Variants in NTMT1 observed in about 807,000 individuals in gnomAD.
The protein encoded by NTMT1 is N-terminal Xaa-Pro-Lys N-methyltransferase 1, also known as N-terminal RCC1 methyltransferase.
Under a neutral mutation model 17.5 loss-of-function variants are expected in NTMT1, and 8 were observed. The ratio of observed to expected loss-of-function variants is 0.46; its 90% CI spans 0.27 to 0.82. The LOEUF is 0.82. Ranked by LOEUF, NTMT1 falls within the 40% of genes least tolerant of loss-of-function variation. NTMT1 has a pLI of 0.15. For missense variants in NTMT1, 221 were observed against 303.5 expected (o/e 0.73, Z 2.02); for synonymous variants, 128 against 126.8 (o/e 1.01, Z -0.06).
At chr9:129,627,308 A>C (rs1830948623) in intron 1 of NTMT1, among the ~76,000 whole-genome samples, 1 of 152,108 alleles carries the variant, frequency 6.6e-6, no homozygotes, top group Non-Finnish European at 1.5e-5. Context: ...GAGCTGTTTG[A>C]GTCTGCTGGC....
intron 1 of NTMT1, among the ~76,000 whole-genome samples, chr9:129,618,927 G>T (rs1830532199): frequency 6.6e-6 from 1 of 150,924 alleles, no homozygotes; most frequent in Non-Finnish European, 1.5e-5. Context: ...TGTTATCCAG[G>T]GTGGTCTCAA....
chr9:129,618,845 A>C (rs1022906957), intron 1 of NTMT1, among the ~76,000 whole-genome samples: 1 of 147,968 alleles, frequency 6.8e-6, no homozygotes, highest in Non-Finnish European at 1.5e-5. Flanking sequence ...GGCGCCCGCC[A>C]CCACGCCCGG....
upstream of NTMT1, among the ~76,000 whole-genome samples, chr9:129,621,938 G>A (rs1033347938): frequency 5.9e-5 from 9 of 152,270 alleles, no homozygotes; most frequent in South Asian, 4.1e-4. Flanking sequence ...AGCCCCTCCC[G>A]GCTGCCTCTG....
At chr9:129,615,452 G>T in intron 1 of NTMT1, 1 of 1,529,954 alleles carries the variant, frequency 6.5e-7, no homozygotes, top group South Asian at 1.3e-5. Context: ...GAACTTTCGG[G>T]AGTCTCGAGG....
At position 129,613,005 on chromosome 9, in the gene NTMT1, A is replaced by C; in HGVS notation, c.-55+3827A>C. On this transcript the variant is annotated intron_variant, in intron 1 of 3. Transcript: ENST00000372486. The surrounding 1 kb of genome is among the most constrained non-coding windows in gnomAD (Gnocchi z 6.2). ...GTGACTTGGCTCTCAGGGAGGGTCC[A>C]CTCCCAGCCCCAGCCACTCCACCAA... The C allele has an allele frequency of 6.8e-7, 1 of 1,480,808 alleles. No individual in the cohort carries two copies. The highest frequency in any genetic ancestry group is 9.2e-7 in the Non-Finnish European group (1 of 1,092,138). 91.7% of individuals were successfully genotyped at this position (1,480,808 alleles called of 1,614,324 possible). A position where few individuals can be genotyped will look rare whatever the true frequency, so the allele number is the denominator to read the frequency against.
upstream of NTMT1, among the ~76,000 whole-genome samples, chr9:129,623,818 CTTTTCTTTTCTTTTTTTTTTTT>C (rs1830812650): frequency 1.6e-5 from 1 of 60,934 alleles, no homozygotes; most frequent in Non-Finnish European, 3.5e-5. Flanking sequence ...TTCTTTTTTT[CTTTTCTTTTCTTTTTTTTTTTT>C]TTGGAGACGG....
At chr9:129,611,385 T>C (rs984301684) in intron 1 of NTMT1, among the ~76,000 whole-genome samples, 33 of 152,346 alleles carry the variant, frequency 2.2e-4, no homozygotes, top group African/African-American at 7.7e-4. Flanking sequence ...GGGCAGGGTC[T>C]GCCACCTTGT....
Position 129,620,609 on chromosome 9 carries a change from C to T in NTMT1, c.-55+11431C>T, listed in dbSNP as rs2118894530. On this transcript the variant is annotated intron_variant, in intron 1 of 3. Transcript: ENST00000372486. This position sits in a 1 kb window ranked among gnomAD's most constrained non-coding sequence, Gnocchi z 5.8. ...CGCACTCAGCTCACCGCACCCTCAG[C>T]GCGCGTGGGTGGGGGGCGCCGGCTG... 7.7e-7 allele frequency: 1 copy of T among 1,306,196 alleles called. No homozygotes were observed. The highest frequency in any genetic ancestry group is 9.7e-7 in the Non-Finnish European group (1 of 1,026,680). 80.9% of individuals were successfully genotyped at this position (1,306,196 alleles called of 1,614,324 possible). A position where few individuals can be genotyped will look rare whatever the true frequency, so the allele number is the denominator to read the frequency against.
intron 1 of NTMT1, among the ~76,000 whole-genome samples, chr9:129,616,622 C>T (rs1588116773): frequency 6.6e-6 from 1 of 152,206 alleles, no homozygotes; most frequent in East Asian, 1.9e-4. Flanking sequence ...GGTTTTTTTC[C>T]CTTTAAATTA....
chr9:129,634,484 T>G, intron 3 of NTMT1, 178 bp downstream of exon 3: 1 of 541,476 alleles, frequency 1.8e-6, no homozygotes, highest in Non-Finnish European at 2.9e-6. Flanking sequence ...AGGCTCGGCC[T>G]AAAAGGTAGA....
intron 1 of NTMT1, among the ~76,000 whole-genome samples, chr9:129,630,535 C>T (rs546488441): frequency 6.6e-6 from 1 of 152,342 alleles, no homozygotes; most frequent in South Asian, 2.1e-4. Context: ...AGGGCATTTT[C>T]CCGTTTCCCT....
At position 129,613,819 on chromosome 9, in the gene NTMT1, C is replaced by T. The variant is rs908015379; in HGVS notation, c.-55+4641C>T. Among the ~76,000 whole-genome samples, 2 of 152,240 alleles carry T rather than the reference C, an allele frequency of 1.3e-5. No homozygotes were observed. Among genetic ancestry groups the T allele is most frequent in the Non-Finnish European group, 2.9e-5 (2 of 68,046 alleles). ...CCCAAGCTGTGCCCCTGCGCACCCC[C>T]ACTCACGCTGCAGCCGGAAGCGTGC... On this transcript the variant is annotated intron_variant, in intron 1 of 3. Transcript: ENST00000372486. The surrounding 1 kb of genome is among the most constrained non-coding windows in gnomAD (Gnocchi z 6.2).
chr9:129,624,880 G>C (rs1202423742), upstream of NTMT1, among the ~76,000 whole-genome samples: 1 of 152,168 alleles, frequency 6.6e-6, no homozygotes, highest in East Asian at 1.9e-4. Context: ...CGCCTGCCTT[G>C]GCCTCCCAAA....
rs1554774814 is a variant in NTMT1, at chr9:129,620,654, C to T, written c.-55+11476C>T. ...CGGCTGAGGTGGGGAGGGCATAGTC[C>T]AGCCCCAGGCCATAGTGCCCCGGGC... is the stretch of plus-strand genomic sequence containing the variant. On this transcript the variant is annotated intron_variant, in intron 1 of 3. Transcript: ENST00000372486. This position sits in a 1 kb window ranked among gnomAD's most constrained non-coding sequence, Gnocchi z 5.8. The T allele has an allele frequency of 8.2e-7, 1 of 1,220,130 alleles. No individual in the cohort carries two copies. The highest frequency in any genetic ancestry group is 1.0e-6 in the Non-Finnish European group (1 of 971,130). 75.6% of individuals were successfully genotyped at this position (1,220,130 alleles called of 1,614,324 possible).
intron 1 of NTMT1, among the ~76,000 whole-genome samples, chr9:129,631,587 C>T (rs1432693015): frequency 6.6e-6 from 1 of 152,210 alleles, no homozygotes; most frequent in Non-Finnish European, 1.5e-5. Context: ...TCGGTCTTCC[C>T]GGGCCACTCT....
At chr9:129,622,794 G>A (rs552300121), upstream of NTMT1, among the ~76,000 whole-genome samples, 10 of 152,134 alleles carry the variant, frequency 6.6e-5, no homozygotes, top group East Asian at 3.9e-4. Context: ...TTGGGAGACC[G>A]AGGCAGGTGG....
chr9:129,615,829 G>A (rs1332060474), intron 1 of NTMT1, among the ~76,000 whole-genome samples: 3 of 152,250 alleles, frequency 2.0e-5, no homozygotes, highest in Non-Finnish European at 4.4e-5. Flanking sequence ...GCAGGCTCAA[G>A]CACGCACATA....
In NTMT1 at chr9:129,613,696, C is replaced by T. The variant is rs1830201835; in HGVS notation, c.-55+4518C>T. 1.3e-6 allele frequency: 2 copies of T among 1,485,690 alleles called. No individual in the cohort carries two copies. Among genetic ancestry groups the T allele is most frequent in the African/African-American group, 2.8e-5 (2 of 71,922 alleles). 92.0% of individuals were successfully genotyped at this position (1,485,690 alleles called of 1,614,324 possible). ...TCTGGCAGGCAGGGCCGGTCAGAGC[C>T]CTGTCTCCATGGCAACCCCAGGCTC... On this transcript the variant is annotated intron_variant, in intron 1 of 3. Coordinates refer to the NTMT1 transcript ENST00000372486. The surrounding 1 kb of genome is among the most constrained non-coding windows in gnomAD (Gnocchi z 6.2).
chr9:129,631,626 T>G (rs1481928946), intron 1 of NTMT1, among the ~76,000 whole-genome samples: 1 of 152,242 alleles, frequency 6.6e-6, no homozygotes, highest in African/African-American at 2.4e-5. Context: ...GTTGACTCAT[T>G]GCTCTGTAGG....
Sources: gnomAD v4.1 joint callset for allele counts (sites outside exome capture counted in the v4.1 genomes callset) on GRCh38, gnomAD v4.1.1 for gene constraint, Gnocchi (gnomAD v3.1) non-coding constraint, MANE v1.5 for transcripts, NCBI Gene and HGNC (gene_info 2026-07-23, HGNC 2026-07-21) for gene names.